CSMD1: variants seen among roughly 807,000 people sequenced by gnomAD.
CSMD1 encodes the protein CUB and sushi domain-containing protein 1.
Under a neutral mutation model 417.5 loss-of-function variants are expected in CSMD1, and 213 were observed. The ratio of observed to expected loss-of-function variants is 0.51; its 90% CI spans 0.46 to 0.57. The LOEUF is 0.57. Among genes scored for constraint, CSMD1 ranks in the 20% least tolerant of loss-of-function variants. The probability of loss-of-function intolerance (pLI) is 0.00; values close to 1 mark genes in which losing one functional copy is unlikely to be tolerated. For missense variants in CSMD1, 6,923 were observed against 4,529.7 expected, an observed-to-expected ratio of 1.53 and a Z score of -15.17; for synonymous variants, 2,862 against 1,736.8, an observed-to-expected ratio of 1.65 and a Z score of -16.11.
Position 3,772,658 on chromosome 8 carries a change from C to T in CSMD1, c.819-18616G>A, listed in dbSNP as rs1487798107. The stretch of plus-strand genomic sequence containing the variant: ...ATTTATATACATATATACATATATA[C>T]ATACATTTATATATACATATATACA... On this transcript the variant is annotated intron_variant, in intron 5 of 69. Transcript: ENST00000635120. Among the ~76,000 whole-genome samples, 3 of 125,892 alleles carry T rather than the reference C, an allele frequency of 2.4e-5. 1 individual carries two copies. The highest frequency in any genetic ancestry group is 8.4e-5 in the Admixed American group (1 of 11,948). The allele number at this position is 125,892 out of a possible 152,430, so 82.6% of individuals were successfully genotyped here. A position where few individuals can be genotyped will look rare whatever the true frequency, so the allele number is the denominator to read the frequency against.
chr8:3,051,780 C>T (rs967374775), intron 50 of CSMD1, among the ~76,000 whole-genome samples: 1 of 152,032 alleles, frequency 6.6e-6, no homozygotes, highest in African/African-American at 2.4e-5. Flanking sequence ...TTTTAATATA[C>T]CTGCAATGAA....
At chr8:3,466,174 T>C (rs750697692) in intron 12 of CSMD1, among the ~76,000 whole-genome samples, 1 of 152,090 alleles carries the variant, frequency 6.6e-6, no homozygotes, top group Non-Finnish European at 1.5e-5. Flanking sequence ...GATTTTTCAA[T>C]AAAATTATGA....
intron 1 of CSMD1, among the ~76,000 whole-genome samples, chr8:4,664,583 A>G (rs936024640): frequency 6.6e-6 from 1 of 152,162 alleles, no homozygotes; most frequent in Non-Finnish European, 1.5e-5. Context: ...ATAAATAAAT[A>G]ACAAAAATAA....
chr8:4,769,666 G>T (rs1796505520), intron 1 of CSMD1, among the ~76,000 whole-genome samples: 1 of 152,152 alleles, frequency 6.6e-6, no homozygotes, highest in Admixed American at 6.5e-5. Context: ...GCTTGGAAAG[G>T]CTGACGGATT....
At chr8:3,850,909 G>C (rs117870213) in intron 5 of CSMD1, among the ~76,000 whole-genome samples, 2,888 of 152,116 alleles carry the variant, frequency 0.019, 48 homozygotes, top group Non-Finnish European at 0.03. Context: ...AGAGTTTAAA[G>C]TTTTCTAATT....
intron 5 of CSMD1, among the ~76,000 whole-genome samples, chr8:3,968,639 G>A (rs1052618097): frequency 6.6e-6 from 1 of 152,142 alleles, no homozygotes; most frequent in Non-Finnish European, 1.5e-5. Flanking sequence ...AACACAGTCT[G>A]AGGCTCTACT....
chr8:3,817,090 C>G (rs556209739), intron 5 of CSMD1, among the ~76,000 whole-genome samples: 2 of 151,752 alleles, frequency 1.3e-5, no homozygotes, highest in South Asian at 4.2e-4. Context: ...GATGAGGTCT[C>G]TGGGAAAGAG....
At chr8:4,213,938 A>G (rs1471964227) in intron 3 of CSMD1, among the ~76,000 whole-genome samples, 2 of 152,250 alleles carry the variant, frequency 1.3e-5, no homozygotes, top group Non-Finnish European at 2.9e-5. Flanking sequence ...ACACTAGCAT[A>G]CGACTATGTA....
intron 3 of CSMD1, among the ~76,000 whole-genome samples, chr8:4,045,284 A>G (rs1268645460): frequency 1.3e-5 from 2 of 152,204 alleles, no homozygotes; most frequent in African/African-American, 2.4e-5. Context: ...CCCCACATAT[A>G]CTACAGGAAT....
rs775753121 is a variant in CSMD1, at chr8:3,399,505, G to A, written c.2291C>T (p.Ala764Val). Residue 764 changes from alanine (A) to valine (V), a missense_variant, in exon 16 of 70, where the codon GCG (alanine) becomes GTG (valine). Ala to Val is a moderately conservative substitution (Grantham distance 64). Transcript: ENST00000635120. Reference sequence around the variant, plus strand: ...AGGAGGCAAAATGACTCCGCTGGACGCTGTCAGATGTCCACCACATGGAGC... The same window carrying A: ...AGGAGGCAAAATGACTCCGCTGGACACTGTCAGATGTCCACCACATGGAGC... ...CEAPCGGHLT[A>V]SSGVILPPGW... 12 of 1,599,366 alleles carry A rather than the reference G, an allele frequency of 7.5e-6. No homozygotes were observed. The highest frequency in any genetic ancestry group is 1.7e-5 in the Admixed American group (1 of 57,866).
chr8:4,201,398 G>C (rs948042205), intron 3 of CSMD1, among the ~76,000 whole-genome samples: 5 of 151,750 alleles, frequency 3.3e-5, no homozygotes, highest in Non-Finnish European at 5.9e-5. Flanking sequence ...ATTAGCCGGG[G>C]GTGGCGCTGG....
At chr8:3,477,313 G>T (rs541764640) in intron 11 of CSMD1, among the ~76,000 whole-genome samples, 1 of 152,176 alleles carries the variant, frequency 6.6e-6, no homozygotes, top group African/African-American at 2.4e-5. Context: ...CAATGGAAAC[G>T]TAAAGCCTGC....
chr8:3,422,421 C>T (rs1332699977), intron 12 of CSMD1, among the ~76,000 whole-genome samples: 1 of 152,068 alleles, frequency 6.6e-6, no homozygotes. Context: ...TCACTTTTCC[C>T]AAAATGCCTA....
At chr8:4,989,476 G>C (rs547302340) in intron 1 of CSMD1, among the ~76,000 whole-genome samples, 2 of 152,210 alleles carry the variant, frequency 1.3e-5, no homozygotes, top group Admixed American at 1.3e-4. Flanking sequence ...CTTTACACAA[G>C]TATCTTCCTC....
At chr8:3,628,300 G>A (rs1474408401) in intron 7 of CSMD1, among the ~76,000 whole-genome samples, 2 of 152,140 alleles carry the variant, frequency 1.3e-5, no homozygotes, top group African/African-American at 4.8e-5. Context: ...AGAGGTTGCA[G>A]CCCATGCACA....
chr8:3,725,651 T>G (rs1802440024), intron 6 of CSMD1, among the ~76,000 whole-genome samples: 1 of 151,676 alleles, frequency 6.6e-6, no homozygotes, highest in Non-Finnish European at 1.5e-5. Flanking sequence ...CAGGATGGAG[T>G]GAGCAGTGGA....
intron 1 of CSMD1, among the ~76,000 whole-genome samples, chr8:4,826,802 G>A (rs1563512434): frequency 6.6e-6 from 1 of 152,104 alleles, no homozygotes; most frequent in African/African-American, 2.4e-5. Flanking sequence ...CAGGCTTAAT[G>A]TACTTTTACC....
At chr8:4,343,241 G>C (rs920228624) in intron 3 of CSMD1, among the ~76,000 whole-genome samples, 6 of 152,092 alleles carry the variant, frequency 3.9e-5, no homozygotes, top group African/African-American at 1.4e-4. Context: ...CAAAGACACA[G>C]ACAGGAGGAT....
intron 2 of CSMD1, among the ~76,000 whole-genome samples, chr8:4,505,660 A>G (rs927847538): frequency 7.2e-5 from 11 of 152,150 alleles, no homozygotes; most frequent in Non-Finnish European, 1.3e-4. Context: ...TCCAGTGTCC[A>G]TGTTGCTCCA....
Sources: gnomAD v4.1 joint callset for allele counts (sites outside exome capture counted in the v4.1 genomes callset) on GRCh38, gnomAD v4.1.1 for gene constraint, MANE v1.5 for transcripts, NCBI Gene and HGNC (gene_info 2026-07-23, HGNC 2026-07-21) for gene names.